Variants in TASOR observed in about 807,000 individuals in gnomAD.
TASOR encodes the protein protein TASOR.
TASOR carries 53 observed loss-of-function variants against 178.6 expected under a neutral mutation model. The observed-to-expected ratio is 0.30, with a 90% CI of 0.24 to 0.37. The LOEUF (loss-of-function observed/expected upper bound fraction) is 0.37. Ranked by LOEUF, TASOR falls within the 10% of genes least tolerant of loss-of-function variation. The pLI, the probability that TASOR is intolerant of heterozygous loss-of-function variation, is 1.00. For missense variants in TASOR, 1,815 were observed against 1,971.4 expected (o/e 0.92, Z 1.50); for synonymous variants, 713 against 696.2 (o/e 1.02, Z -0.38).
intron 9 of TASOR, 110 bp from the exon 10 acceptor site, chr3:56,661,127 C>G: frequency 1.5e-6 from 1 of 659,908 alleles, no homozygotes; most frequent in Non-Finnish European, 2.6e-6. Flanking sequence ...AGCATATCTA[C>G]GAATATCTCA....
rs1338728245 is a variant in TASOR at position 56,622,037 on chromosome 3, TA to T, written c.*999del. On this transcript the variant is annotated 3_prime_UTR_variant, in exon 24 of 24. Coordinates refer to ENST00000683822, the MANE Select transcript of TASOR (RefSeq NM_001365635.2). ...TAACTTATTAACACGTCTAGACCCA[TA>T]ACTCCATAACTTTTACTGAAATAAC... 6.6e-6 allele frequency: 1 copy of T among 152,338 alleles called. No homozygotes were observed. Among genetic ancestry groups the T allele is most frequent in the Non-Finnish European group, 1.5e-5 (1 of 68,118 alleles). 9.4% of individuals were successfully genotyped at this position (152,338 alleles called of 1,614,324 possible). A position where few individuals can be genotyped will look rare whatever the true frequency, so the allele number is the denominator to read the frequency against.
intron 1 of TASOR, among the ~76,000 whole-genome samples, chr3:56,680,752 C>T (rs2031710182): frequency 6.6e-6 from 1 of 152,014 alleles, no homozygotes; most frequent in South Asian, 2.1e-4. Context: ...AATAATTACA[C>T]AAGTTAAAAA....
rs2077294564 is a variant in TASOR, at chr3:56,649,032, C to T, written c.1394G>A (p.Arg465Gln). The change falls in exon 12 of 24, where the codon CGA (arginine) becomes CAA (glutamine). Residue 465 changes from arginine (R) to glutamine (Q), a missense_variant. Arg to Gln is a conservative substitution (Grantham distance 43). Coordinates refer to ENST00000683822, the MANE Select transcript of TASOR (RefSeq NM_001365635.2). ...KLVLVKPLGD[R>Q]GYLFLLSPYQ... ...AGGGGAGAGAAGAAAAAGGTATCCT[C>T]GGTCTCCCAAAGGTTTAACAAGAAC... 9 of 1,608,872 alleles carry T rather than the reference C, an allele frequency of 5.6e-6. No individual in the cohort carries two copies. In the African/African-American group the frequency reaches 6.7e-5, roughly 12 times the overall value.
intron 11 of TASOR, among the ~76,000 whole-genome samples, chr3:56,653,532 A>T (rs1470046238): frequency 2.0e-5 from 3 of 151,974 alleles, no homozygotes; most frequent in Non-Finnish European, 4.4e-5. Flanking sequence ...GCTAACCCCT[A>T]AACAAAAATA....
At chr3:56,675,530 T>G (rs9860455) in intron 1 of TASOR, among the ~76,000 whole-genome samples, 8,023 of 151,722 alleles carry the variant, frequency 0.053, 691 homozygotes, top group African/African-American at 0.18. Flanking sequence ...TCTTGAGAAT[T>G]ACTGGTCTAG....
At chr3:56,653,753 A>G (rs1158302523) in intron 11 of TASOR, among the ~76,000 whole-genome samples, 1 of 152,218 alleles carries the variant, frequency 6.6e-6, no homozygotes, top group East Asian at 1.9e-4. Flanking sequence ...AATTAGAAAT[A>G]AAAAAGACAA....
chr3:56,643,642 C>T (rs2077173986), intron 14 of TASOR, among the ~76,000 whole-genome samples: 1 of 151,960 alleles, frequency 6.6e-6, no homozygotes, highest in South Asian at 2.1e-4. Flanking sequence ...GGCGCCCCAG[C>T]TACTCGGGAG....
At position 56,646,655 on chromosome 3, in the gene TASOR, ACT is replaced by A. The variant is rs1360364864; in HGVS notation, c.2080_2081del (p.Ser694CysfsTer21). 3 of 1,613,142 alleles carry A rather than the reference ACT, an allele frequency of 1.9e-6. No individual in the cohort carries two copies. Among genetic ancestry groups the A allele is most frequent in the Non-Finnish European group, 2.5e-6 (3 of 1,179,908 alleles). On this transcript the variant is annotated frameshift_variant, in exon 14 of 24. Transcript: ENST00000683822. LOFTEE classifies it high-confidence loss of function. The stretch of plus-strand genomic sequence containing the variant: ...CTTCTGTGTCTGAGTCCCCACCCAC[ACT>A]CTTTTTCCTACACTGAATTAAATTA... ...LINLIQCRKK[S>X]VGGDSDTEDM... is the part of the protein sequence containing the mutation.
Position 56,627,596 on chromosome 3 carries a change from T to G in TASOR, c.4016A>C (p.Glu1339Ala). ...CATCATCTTACCAACTGTGACAACC[T>G]CTGGGTTTAGAATTGATTCATCAGA... ...IVSDESILNP[E>A]VVTVENLKNF... Residue 1339 changes from glutamate to alanine, a missense_variant, in exon 20 of 24, where the codon GAG (glutamate) becomes GCG (alanine). This residue lies in a region of TASOR where 134 missense variants were observed against 195.2 expected (regional missense o/e 0.69). Transcript: ENST00000683822. The G allele has an allele frequency of 1.9e-6, 3 of 1,614,046 alleles. No individual in the cohort carries two copies. Among genetic ancestry groups the G allele is most frequent in the Non-Finnish European group, 2.5e-6 (3 of 1,179,964 alleles).
At chr3:56,641,980 A>G (rs2107565995) in intron 14 of TASOR, among the ~76,000 whole-genome samples, 1 of 152,344 alleles carries the variant, frequency 6.6e-6, no homozygotes, top group East Asian at 1.9e-4. Context: ...TAAGCATTCT[A>G]TCAATAGGAA....
At chr3:56,650,680 G>T (rs1292375879) in intron 11 of TASOR, among the ~76,000 whole-genome samples, 1 of 152,150 alleles carries the variant, frequency 6.6e-6, no homozygotes, top group Admixed American at 6.5e-5. Flanking sequence ...CTGTGCTGAG[G>T]TGGCCTTGTT....
In TASOR at chr3:56,682,939, C is replaced by A; in HGVS notation, c.68G>T (p.Gly23Val). 6.5e-7 allele frequency: 1 copy of A among 1,549,644 alleles called. No homozygotes were observed. The highest frequency in any genetic ancestry group is 8.7e-7 in the Non-Finnish European group (1 of 1,146,516). Residue 23 changes from glycine (G) to valine (V), a missense_variant, in exon 1 of 24, where the codon GGA becomes GTA. By Grantham distance (109) the Gly-to-Val change is moderately radical. Around this residue, in one of 5 missense-constraint regions of TASOR, gnomAD observed 244 missense variants for 202.7 expected, o/e 1.20. Coordinates refer to ENST00000683822, the MANE Select transcript of TASOR (RefSeq NM_001365635.2). ...TDASWESGGG[G>V]DDEMKQALPE... is the part of the protein sequence containing the mutation. ...AAGCGCCTGCTTCATCTCGTCGTCT[C>A]CGCCGCCGCCACTTTCCCAACTCGC...
intron 21 of TASOR, 85 bp from the exon 22 acceptor site, chr3:56,625,091 C>T: frequency 7.5e-7 from 1 of 1,330,700 alleles, no homozygotes; most frequent in Non-Finnish European, 1.0e-6. Flanking sequence ...AATTCAATTT[C>T]TCCACTGAGG....
Position 56,624,814 on chromosome 3 carries a change from A to G in TASOR, c.4318+14T>C. 1.2e-6 allele frequency: 2 copies of G among 1,612,676 alleles called. No individual in the cohort carries two copies. Among genetic ancestry groups the G allele is most frequent in the South Asian group, 1.1e-5 (1 of 90,934 alleles). Reference sequence around the variant, plus strand: ...CTATATTCATAGTAGAAAGCTTAGGAGTGCTCTCTTTACCTGTTAAAAAGA... The same window carrying G: ...CTATATTCATAGTAGAAAGCTTAGGGGTGCTCTCTTTACCTGTTAAAAAGA... On this transcript the variant is annotated intron_variant, in intron 22 of 23. Coordinates refer to ENST00000683822, the MANE Select transcript of TASOR (RefSeq NM_001365635.2).
rs561426104 is a variant in TASOR at position 56,626,394 on chromosome 3, AAGT to A, written c.4139+640_4139+642del. Among the ~76,000 whole-genome samples the A allele has an allele frequency of 2.0e-5, 3 of 152,282 alleles. No individual in the cohort carries two copies. The South Asian group carries it at 6.2e-4, about 32-fold the overall frequency. ...TATGTAATTTTATTAGCTACCTATA[AAGT>A]AGTCAGTTGGGAGAGGGCCTGATGT... On this transcript the variant is annotated intron_variant, in intron 21 of 23. Transcript: ENST00000683822.
At position 56,683,202 on chromosome 3, in the gene TASOR, G is replaced by GTCCTCGGAGCCGC; in HGVS notation, c.-209_-197dup. 1.9e-6 allele frequency: 1 copy of GTCCTCGGAGCCGC among 539,424 alleles called. No homozygotes were observed. Among genetic ancestry groups the GTCCTCGGAGCCGC allele is most frequent in the South Asian group, 2.9e-5 (1 of 34,228 alleles). 33.4% of individuals were successfully genotyped at this position (539,424 alleles called of 1,614,324 possible). A position where few individuals can be genotyped will look rare whatever the true frequency, so the allele number is the denominator to read the frequency against. Reference sequence around the variant, plus strand: ...GCGGGCACCCCAAATGCGCTGCCCGGTCCTCGGAGCCGCTCCTCCCTCGGG... The same window carrying GTCCTCGGAGCCGC: ...GCGGGCACCCCAAATGCGCTGCCCGGTCCTCGGAGCCGCTCCTCGGAGCCGCTCCTCCCTCGGG... On this transcript the variant is annotated 5_prime_UTR_variant, in exon 1 of 24. Transcript: ENST00000683822.
intron 17 of TASOR, among the ~76,000 whole-genome samples, chr3:56,638,348 A>C (rs2077057299): frequency 6.6e-6 from 1 of 152,224 alleles, no homozygotes; most frequent in Non-Finnish European, 1.5e-5. Flanking sequence ...CCTGGGTGAC[A>C]GAGCAAGCTT....
intron 8 of TASOR, among the ~76,000 whole-genome samples, chr3:56,662,790 A>C (rs554186169): frequency 2.0e-5 from 3 of 152,344 alleles, no homozygotes; most frequent in Non-Finnish European, 4.4e-5. Context: ...TTCATCTCTT[A>C]TTTCCTCCAA....
chr3:56,666,424 G>T lies in TASOR; in HGVS notation c.898-40C>A, dbSNP rs779497622. On this transcript the variant is annotated intron_variant, in intron 6 of 23. Coordinates refer to ENST00000683822, the MANE Select transcript of TASOR (RefSeq NM_001365635.2). Reference sequence around the variant, plus strand: ...ATGAAAAATTAACTTCTTTAAAAAGGCAAGGTGAAACCTTATATTTAACTG... The same window carrying T: ...ATGAAAAATTAACTTCTTTAAAAAGTCAAGGTGAAACCTTATATTTAACTG... The T allele has an allele frequency of 1.9e-5, 27 of 1,413,892 alleles. 1 individual carries two copies. The highest frequency in any genetic ancestry group is 2.4e-5 in the Non-Finnish European group (26 of 1,073,388). 87.6% of individuals were successfully genotyped at this position (1,413,892 alleles called of 1,614,324 possible).
Sources: gnomAD v4.1 joint callset for allele counts (sites outside exome capture counted in the v4.1 genomes callset) on GRCh38, gnomAD v4.1.1 for gene constraint, gnomAD v4.1.1 regional missense constraint, MANE v1.5 for transcripts, NCBI Gene and HGNC (gene_info 2026-07-23, HGNC 2026-07-21) for gene names.